The following OTULIN variants were observed in gnomAD, a reference collection of about 807,000 sequenced individuals.
The protein encoded by OTULIN is ubiquitin thioesterase otulin.
In OTULIN, 15 loss-of-function variants were observed where a neutral mutation model predicts 39.6. That is an observed-to-expected ratio of 0.38 (90% CI 0.25 to 0.58). The LOEUF is 0.58. OTULIN is among the 20% of genes least tolerant of loss of function. The pLI is 0.66. For synonymous variants in OTULIN, 156 were observed against 170.3 expected (o/e 0.92, Z 0.65); for missense variants, 319 against 445.9 (o/e 0.72, Z 2.56).
downstream of OTULIN, among the ~76,000 whole-genome samples, chr5:14,703,360 A>C (rs1377438492): frequency 2.7e-5 from 3 of 113,138 alleles, no homozygotes; most frequent in Admixed American, 9.7e-5. Flanking sequence ...AAAAAAAAAA[A>C]AAACTTAGAA....
At chr5:14,671,868 A>G (rs1735985711) in intron 1 of OTULIN, among the ~76,000 whole-genome samples, 1 of 152,194 alleles carries the variant, frequency 6.6e-6, no homozygotes, top group African/African-American at 2.4e-5. Context: ...TTTGAGTGCT[A>G]ATTATTTTCC....
chr5:14,692,480 A>G (rs1185645494), intron 6 of OTULIN, among the ~76,000 whole-genome samples: 1 of 152,142 alleles, frequency 6.6e-6, no homozygotes, highest in Non-Finnish European at 1.5e-5. Context: ...TGATTTCCCT[A>G]ATGACTCACA....
rs1193028940 is a variant in OTULIN, at chr5:14,696,821, G to A, written c.*3773G>A. On this transcript the variant is annotated 3_prime_UTR_variant, in exon 7 of 7. Transcript: ENST00000284274. ...CCTCATTTGTGACATCATCTAAGGG[G>A]ATGGGAAGACTAGGGAGCCAGTGCC... 6.6e-6 allele frequency: 1 copy of A among 152,130 alleles called. No homozygotes were observed. Among genetic ancestry groups the A allele is most frequent in the Non-Finnish European group, 1.5e-5 (1 of 68,046 alleles). 9.4% of individuals were successfully genotyped at this position (152,130 alleles called of 1,614,324 possible).
Position 14,690,455 on chromosome 5 carries a change from G to A in OTULIN, c.864+147G>A, listed in dbSNP as rs1005341356. 3 of 937,898 alleles carry A rather than the reference G, an allele frequency of 3.2e-6. No homozygotes were observed. Among genetic ancestry groups the A allele is most frequent in the Admixed American group, 2.8e-5 (1 of 35,260 alleles). The allele number at this position is 937,898 out of a possible 1,614,324, so 58.1% of individuals were successfully genotyped here. Reference sequence around the variant, plus strand: ...GGATGTCATGAGGCTGCAGTTGTATGTTCAGGGCTGCAGTCATCTGAAGGC... The same window carrying A: ...GGATGTCATGAGGCTGCAGTTGTATATTCAGGGCTGCAGTCATCTGAAGGC... On this transcript the variant is annotated intron_variant, in intron 6 of 6. Coordinates refer to ENST00000284274, the MANE Select transcript of OTULIN (RefSeq NM_138348.6). The surrounding 1 kb of genome is among the most constrained non-coding windows in gnomAD (Gnocchi z 4.5).
intron 4 of OTULIN, 53 bp from the exon 5 acceptor site, chr5:14,687,468 G>A: frequency 6.3e-7 from 1 of 1,579,980 alleles, no homozygotes; most frequent in Non-Finnish European, 8.6e-7. Flanking sequence ...ATTGTGTGGT[G>A]GATTTCTTGG....
At chr5:14,703,977 T>C (rs1025888925), downstream of OTULIN, among the ~76,000 whole-genome samples, 1 of 152,110 alleles carries the variant, frequency 6.6e-6, no homozygotes, top group Non-Finnish European at 1.5e-5. Context: ...CAATGTCTTA[T>C]GAGGAGCTAA....
chr5:14,677,179 CT>C (rs1247333407), intron 2 of OTULIN, among the ~76,000 whole-genome samples: 1 of 151,998 alleles, frequency 6.6e-6, no homozygotes, highest in Non-Finnish European at 1.5e-5. Flanking sequence ...TTTAGGGCCT[CT>C]TTTGTGCTCC....
At chr5:14,682,666 G>C (rs910082792) in intron 4 of OTULIN, among the ~76,000 whole-genome samples, 6 of 152,184 alleles carry the variant, frequency 3.9e-5, no homozygotes, top group Non-Finnish European at 8.8e-5. Flanking sequence ...CTGTGAGCCT[G>C]CATGAAATGC....
downstream of OTULIN, among the ~76,000 whole-genome samples, chr5:14,702,128 T>C (rs1042708518): frequency 3.3e-5 from 5 of 152,092 alleles, no homozygotes; most frequent in South Asian, 2.1e-4. Flanking sequence ...GGGAGTGAGA[T>C]GCTAGGAGGC....
intron 1 of OTULIN, among the ~76,000 whole-genome samples, chr5:14,667,279 CACT>C (rs2126811247): frequency 6.6e-6 from 1 of 152,342 alleles, no homozygotes; most frequent in East Asian, 1.9e-4. Context: ...CTAGGTAGCA[CACT>C]AGGTTACTCT....
At chr5:14,710,202 T>C in the OTULIN span, 2 of 152,306 alleles carry the variant, frequency 1.3e-5, no homozygotes, top group African/African-American at 4.8e-5. Context: ...CCAGGTAATA[T>C]ATCTACTTCA....
chr5:14,692,551 G>C lies in OTULIN; in HGVS notation c.865-303G>C, dbSNP rs577800242. Among the ~76,000 whole-genome samples, 72 of 152,248 alleles carry C rather than the reference G, an allele frequency of 4.7e-4. 1 individual carries two copies. Among genetic ancestry groups the C allele is most frequent in the Admixed American group, 1.2e-3 (18 of 15,290 alleles). ...TTGTATATCTTCTTTGGAGAGAGGT[G>C]TCTGTTCAGATCCTTTGCCTAATTT... On this transcript the variant is annotated intron_variant, in intron 6 of 6. Coordinates refer to ENST00000284274, the MANE Select transcript of OTULIN (RefSeq NM_138348.6).
intron 3 of OTULIN, among the ~76,000 whole-genome samples, chr5:14,680,727 T>A (rs1392954729): frequency 1.3e-5 from 2 of 152,226 alleles, no homozygotes; most frequent in African/African-American, 4.8e-5. Flanking sequence ...TTTCATTTGC[T>A]TGTTTCACTT....
downstream of OTULIN, among the ~76,000 whole-genome samples, chr5:14,699,946 A>G (rs543846609): frequency 2.0e-5 from 3 of 152,290 alleles, no homozygotes; most frequent in East Asian, 5.8e-4. Flanking sequence ...GTTGTCCTCT[A>G]AGTGGTGCCA....
At chr5:14,683,605 A>G (rs1736312288) in intron 4 of OTULIN, among the ~76,000 whole-genome samples, 2 of 152,188 alleles carry the variant, frequency 1.3e-5, no homozygotes, top group African/African-American at 2.4e-5. Context: ...CTATGTTCTT[A>G]GCTACTCAGG....
chr5:14,677,900 C>T (rs905675660), intron 2 of OTULIN, among the ~76,000 whole-genome samples: 14 of 152,120 alleles, frequency 9.2e-5, no homozygotes, highest in Non-Finnish European at 1.3e-4. Context: ...TTCAGACTGT[C>T]GCGTCTGTAA....
In OTULIN at chr5:14,687,543, A is replaced by G. The variant is rs1736416547; in HGVS notation, c.491A>G (p.Lys164Arg). The G allele has an allele frequency of 6.2e-7, 1 of 1,613,516 alleles. No homozygotes were observed. Among genetic ancestry groups the G allele is most frequent in the Non-Finnish European group, 8.5e-7 (1 of 1,179,834 alleles). ...LMLLPEKLIS[K>R]YNWIKQWKLG... ...TAGTTACCAGAAAAACTCATAAGCA[A>G]ATACAACTGGATCAAGCAATGGAAA... The change falls in exon 5 of 7, where the codon AAA (lysine) becomes AGA (arginine). Residue 164 changes from lysine (K) to arginine (R), a missense_variant. Lys to Arg is a conservative substitution (Grantham distance 26, BLOSUM62 2). Transcript: ENST00000284274.
rs1264631077 is a variant in OTULIN at position 14,694,152 on chromosome 5, A to G, written c.*1104A>G. ...ACAGCAAACCATCTTAAAATTTTTC[A>G]TGAGTACATTTAAGCGGAAGCATAC... On this transcript the variant is annotated 3_prime_UTR_variant, in exon 7 of 7. Transcript: ENST00000284274. 1 of 152,202 alleles carries G rather than the reference A, an allele frequency of 6.6e-6. No homozygotes were observed. Among genetic ancestry groups the G allele is most frequent in the African/African-American group, 2.4e-5 (1 of 41,428 alleles). The allele number at this position is 152,202 out of a possible 1,614,324, so 9.4% of individuals were successfully genotyped here. A position where few individuals can be genotyped will look rare whatever the true frequency, so the allele number is the denominator to read the frequency against.
rs116852215 is a variant in OTULIN, at chr5:14,666,715, A to G, written c.152+1738A>G. Among the ~76,000 whole-genome samples, 51 of 152,260 alleles carry G rather than the reference A, an allele frequency of 3.3e-4. No homozygotes were observed. In the East Asian group the frequency reaches 8.5e-3, roughly 25 times the overall value. ...ATTATCTCATTCTCTTTCACCTCTC[A>G]TAAGATGGGGCAGAACAAGAGAGGT... On this transcript the variant is annotated intron_variant, in intron 1 of 6. Transcript: ENST00000284274.
Sources: gnomAD v4.1 joint callset for allele counts (sites outside exome capture counted in the v4.1 genomes callset) on GRCh38, gnomAD v4.1.1 for gene constraint, Gnocchi (gnomAD v3.1) non-coding constraint, MANE v1.5 for transcripts, NCBI Gene and HGNC (gene_info 2026-07-23, HGNC 2026-07-21) for gene names.